NRG4: variants seen among roughly 807,000 people sequenced by gnomAD.
The protein encoded by NRG4 is neuregulin 4.
A neutral mutation model predicts 15.0 loss-of-function variants in NRG4; 10 were observed. That is an observed-to-expected ratio of 0.67 (90% CI 0.41 to 1.13). NRG4 has a LOEUF of 1.13. NRG4 is among the 50% of genes most tolerant of loss of function. The pLI is 0.00. For synonymous variants in NRG4, 41 were observed against 50.1 expected (o/e 0.82, Z 0.77); for missense variants, 139 against 140.2 (o/e 0.99, Z 0.04).
At chr15:76,043,460 C>CA (rs2035794321) in intron 4 of NRG4, among the ~76,000 whole-genome samples, 1 of 152,094 alleles carries the variant, frequency 6.6e-6, no homozygotes, top group Non-Finnish European at 1.5e-5. Context: ...TTACAGGATA[C>CA]AAAATCAACA....
At chr15:75,952,127 A>G (rs774664678) in intron 5 of NRG4, among the ~76,000 whole-genome samples, 16 of 152,186 alleles carry the variant, frequency 1.1e-4, no homozygotes, top group South Asian at 2.1e-4. Context: ...AAATTGTACA[A>G]TTCAATGGCT....
At chr15:76,020,239 C>T (rs76048017) in intron 5 of NRG4, among the ~76,000 whole-genome samples, 2,599 of 152,112 alleles carry the variant, frequency 0.017, 70 homozygotes, top group African/African-American at 0.059. Flanking sequence ...TGAAATTAGC[C>T]CAATTGATAA....
At chr15:76,051,867 A>G (rs776398230) in intron 4 of NRG4, among the ~76,000 whole-genome samples, 5 of 150,902 alleles carry the variant, frequency 3.3e-5, no homozygotes, top group Non-Finnish European at 7.4e-5. Context: ...CACCGTGCCC[A>G]GCCTAATTGA....
intron 3 of NRG4, among the ~76,000 whole-genome samples, chr15:75,965,039 C>T (rs2141821390): frequency 6.6e-6 from 1 of 152,234 alleles, no homozygotes; most frequent in East Asian, 1.9e-4. Context: ...TCCTAGCTAA[C>T]ATGGTGAAAC....
chr15:75,968,703 C>A (rs1473556256), intron 3 of NRG4, among the ~76,000 whole-genome samples: 3 of 151,600 alleles, frequency 2.0e-5, no homozygotes, highest in South Asian at 2.1e-4. Context: ...GAGTTTGAGA[C>A]CAGCCTGGGC....
chr15:75,959,394 T>C (rs1320466144), intron 4 of NRG4, among the ~76,000 whole-genome samples: 1 of 152,172 alleles, frequency 6.6e-6, no homozygotes, highest in Non-Finnish European at 1.5e-5. Context: ...CTTTATCTTA[T>C]GAGCATATGA....
chr15:76,042,192 A>G (rs1567125363), intron 4 of NRG4, among the ~76,000 whole-genome samples: 1 of 152,146 alleles, frequency 6.6e-6, no homozygotes, highest in South Asian at 2.1e-4. Context: ...ATACCGAGAG[A>G]GAAGTTTATA....
At chr15:75,983,696 T>C (rs2033689090) in intron 3 of NRG4, among the ~76,000 whole-genome samples, 1 of 152,118 alleles carries the variant, frequency 6.6e-6, no homozygotes, top group Non-Finnish European at 1.5e-5. Flanking sequence ...AGCTTTCTTA[T>C]ATACAGACAA....
intron 3 of NRG4, among the ~76,000 whole-genome samples, chr15:75,978,820 C>A (rs141018993): frequency 2.1e-4 from 32 of 152,192 alleles, no homozygotes; most frequent in African/African-American, 6.5e-4. Flanking sequence ...CATCTGTTGG[C>A]CATTTATATG....
At chr15:75,980,383 A>AT (rs5813815) in intron 3 of NRG4, among the ~76,000 whole-genome samples, 141 of 142,308 alleles carry the variant, frequency 9.9e-4, no homozygotes, top group South Asian at 3.1e-3. Context: ...TTCTTTGGGG[A>AT]TTTTTTTTTT....
Position 75,941,612 on chromosome 15 carries a change from T to C in NRG4, c.*2026A>G, listed in dbSNP as rs1646545182. The C allele has an allele frequency of 6.6e-6, 1 of 152,204 alleles. No individual in the cohort carries two copies. Among genetic ancestry groups the C allele is most frequent in the Admixed American group, 6.5e-5 (1 of 15,284 alleles). The allele number at this position is 152,204 out of a possible 1,614,324, so 9.4% of individuals were successfully genotyped here. ...GCCATAAAAAGGAAATCCTTCTACA[T>C]ACTACATCATGGATGAACCTTTCAG... On this transcript the variant is annotated 3_prime_UTR_variant, in exon 6 of 6. Coordinates refer to ENST00000394907, the MANE Select transcript of NRG4 (RefSeq NM_138573.4).
At chr15:76,003,038 A>T (rs2034471001) in intron 3 of NRG4, among the ~76,000 whole-genome samples, 1 of 152,152 alleles carries the variant, frequency 6.6e-6, no homozygotes, top group Non-Finnish European at 1.5e-5. Flanking sequence ...TGCATGAAAC[A>T]TCAACCAAAA....
At chr15:75,946,729 A>G (rs1290048919) in intron 5 of NRG4, among the ~76,000 whole-genome samples, 1 of 152,180 alleles carries the variant, frequency 6.6e-6, no homozygotes, top group Non-Finnish European at 1.5e-5. Context: ...TCCTCCCGAC[A>G]GCCCTGGTGA....
chr15:76,014,757 T>C (rs2034924152), upstream of NRG4, among the ~76,000 whole-genome samples: 1 of 152,186 alleles, frequency 6.6e-6, no homozygotes, highest in Non-Finnish European at 1.5e-5. Flanking sequence ...TCTTGTAGTA[T>C]AGTTTGAAGT....
chr15:76,028,903 CAAAAAAAAAAAA>C (rs34533266), intron 5 of NRG4, among the ~76,000 whole-genome samples: 4 of 54,288 alleles, frequency 7.4e-5, no homozygotes, highest in Non-Finnish European at 1.1e-4. Flanking sequence ...ACTCCTCCTC[CAAAAAAAAAAAA>C]AAAAAAAAAA....
intron 5 of NRG4, among the ~76,000 whole-genome samples, chr15:76,017,917 G>C (rs2035034458): frequency 6.6e-6 from 1 of 152,192 alleles, no homozygotes; most frequent in South Asian, 2.1e-4. Flanking sequence ...ATCCTGAAGA[G>C]TGTTTTCCAA....
intron 5 of NRG4, among the ~76,000 whole-genome samples, chr15:76,021,294 A>G (rs1354099554): frequency 6.6e-6 from 1 of 152,172 alleles, no homozygotes; most frequent in East Asian, 1.9e-4. Flanking sequence ...AAACATTACA[A>G]CTCACTGAGG....
Position 75,941,953 on chromosome 15 carries a change from A to AC in NRG4, c.*1684_*1685insG, listed in dbSNP as rs1360268728. 1 of 122,092 alleles carries AC rather than the reference A, an allele frequency of 8.2e-6. No individual in the cohort carries two copies. Among genetic ancestry groups the AC allele is most frequent in the Non-Finnish European group, 1.7e-5 (1 of 58,938 alleles). 7.6% of individuals were successfully genotyped at this position (122,092 alleles called of 1,614,324 possible). The stretch of plus-strand genomic sequence containing the variant: ...TTTTTAAACCACCAAAAAAAAAAAA[A>AC]AAAAAAAATATGGCCTAGCTTTTTT... On this transcript the variant is annotated 3_prime_UTR_variant, in exon 6 of 6. Transcript: ENST00000394907.
intron 3 of NRG4, among the ~76,000 whole-genome samples, chr15:75,971,939 C>T (rs2033114354): frequency 6.6e-6 from 1 of 152,040 alleles, no homozygotes; most frequent in Non-Finnish European, 1.5e-5. Flanking sequence ...TTGAGGAATC[C>T]CCACACTGTC....
Sources: gnomAD v4.1 joint callset for allele counts (sites outside exome capture counted in the v4.1 genomes callset) on GRCh38, gnomAD v4.1.1 for gene constraint, MANE v1.5 for transcripts, NCBI Gene and HGNC (gene_info 2026-07-23, HGNC 2026-07-21) for gene names.